DENND2B: variants seen among roughly 807,000 people sequenced by gnomAD.
The protein encoded by DENND2B is DENN domain containing 2B.
In DENND2B, 32 loss-of-function variants were observed where a neutral mutation model predicts 116.0. That is an observed-to-expected ratio of 0.28 (90% confidence interval 0.21 to 0.37). The LOEUF is 0.37. DENND2B is among the 10% of genes least tolerant of loss of function. DENND2B has a pLI of 1.00. For missense variants in DENND2B, 1,276 were observed against 1,477.7 expected, an observed-to-expected ratio of 0.86 and a Z score of 2.24; for synonymous variants, 588 against 583.9, an observed-to-expected ratio of 1.01 and a Z score of -0.10.
chr11:8,843,033 T>C (rs1369027643), intron 3 of DENND2B, among the ~76,000 whole-genome samples: 1 of 151,884 alleles, frequency 6.6e-6, no homozygotes, highest in African/African-American at 2.4e-5. Flanking sequence ...TCTTTTTTTT[T>C]TGAAATGCAG....
chr11:8,694,058 C>G lies in DENND2B; in HGVS notation c.*38G>C. 6.2e-7 allele frequency: 1 copy of G among 1,613,022 alleles called. No individual in the cohort carries two copies. The highest frequency in any genetic ancestry group is 8.5e-7 in the Non-Finnish European group (1 of 1,179,406). On this transcript the variant is annotated 3_prime_UTR_variant, in exon 20 of 20. Transcript: ENST00000313726. ...CTGGGCCTTCTCCCCAGGCTTCAGG[C>G]TCTGCAAGGCACTGGACTCTGCTAC...
intron 4 of DENND2B, among the ~76,000 whole-genome samples, chr11:8,836,802 C>A (rs2062447102): frequency 6.6e-6 from 1 of 152,176 alleles, no homozygotes; most frequent in African/African-American, 2.4e-5. Context: ...GCAGTCTCGA[C>A]CTCCCTGGGC....
At position 8,699,369 on chromosome 11, in the gene DENND2B, G is replaced by A. The variant is rs200647449; in HGVS notation, c.2742C>T (p.His914=). 1.9e-4 allele frequency: 310 copies of A among 1,605,142 alleles called. No individual in the cohort carries two copies. Among genetic ancestry groups the A allele is most frequent in the Non-Finnish European group, 2.6e-4 (305 of 1,177,816 alleles). The change falls in exon 15 of 20, where the codon CAC becomes CAT. Residue 914 remains histidine, a synonymous_variant. Coordinates refer to ENST00000313726, the MANE Select transcript of DENND2B (RefSeq NM_213618.2). ...DKLSTLSSCS[H]AVVALLYPFS... is the part of the protein sequence containing the mutation. ...AGGGGTAGAGCAAGGCCACCACCGC[G>A]TGGGAGCAGCTGGAGAGGGTACTGA...
At chr11:8,813,776 C>A (rs979653928), upstream of DENND2B, among the ~76,000 whole-genome samples, 5 of 152,056 alleles carry the variant, frequency 3.3e-5, no homozygotes, top group Non-Finnish European at 4.4e-5. Context: ...TAGTGGCATG[C>A]TGGAGTTATG....
chr11:8,694,331 C>G (rs947716919), intron 19 of DENND2B, among the ~76,000 whole-genome samples: 5 of 152,170 alleles, frequency 3.3e-5, no homozygotes, highest in Non-Finnish European at 7.3e-5. Context: ...TGTGGTTTTA[C>G]GCAAGCCACT....
chr11:8,858,453 G>A (rs2063273168), intron 2 of DENND2B, among the ~76,000 whole-genome samples: 3 of 151,940 alleles, frequency 2.0e-5, no homozygotes, highest in South Asian at 4.2e-4. Context: ...TGGCACACTC[G>A]AGCCCACACT....
intron 4 of DENND2B, among the ~76,000 whole-genome samples, chr11:8,820,021 A>C (rs1193589444): frequency 6.6e-6 from 1 of 152,250 alleles, no homozygotes; most frequent in East Asian, 1.9e-4. Context: ...AAAGATAAGT[A>C]AATAAAAGTA....
chr11:8,838,163 C>T (rs2134606017), intron 4 of DENND2B, among the ~76,000 whole-genome samples: 1 of 152,324 alleles, frequency 6.6e-6, no homozygotes, highest in South Asian at 2.1e-4. Context: ...CCTTCCAGTT[C>T]CACTAAGGAT....
intron 1 of DENND2B, among the ~76,000 whole-genome samples, chr11:8,786,571 G>A (rs2058921760): frequency 6.6e-6 from 1 of 152,176 alleles, no homozygotes; most frequent in Non-Finnish European, 1.5e-5. Flanking sequence ...AGCACTTTGG[G>A]AGGCCAAGGC....
chr11:8,840,619 A>G (rs1430073319), intron 3 of DENND2B, among the ~76,000 whole-genome samples: 1 of 152,174 alleles, frequency 6.6e-6, no homozygotes, highest in Non-Finnish European at 1.5e-5. Context: ...GGCTCTCCTA[A>G]ATATCAGTCC....
intron 2 of DENND2B, among the ~76,000 whole-genome samples, chr11:8,866,286 C>T (rs1344890518): frequency 6.6e-6 from 1 of 152,200 alleles, no homozygotes; most frequent in Non-Finnish European, 1.5e-5. Context: ...AAGCTCTTAG[C>T]TATCTTAGAA....
chr11:8,821,785 ATTTGT>A (rs770515906), intron 4 of DENND2B, among the ~76,000 whole-genome samples: 4 of 152,052 alleles, frequency 2.6e-5, no homozygotes, highest in South Asian at 2.1e-4. Flanking sequence ...GCTATTGTAG[ATTTGT>A]TTTGTTTTGT....
intron 10 of DENND2B, 57 bp downstream of exon 10, chr11:8,711,065 G>A (rs919250045): frequency 8.2e-6 from 13 of 1,578,356 alleles, no homozygotes; most frequent in African/African-American, 5.4e-5. Flanking sequence ...AGGTGCCCAC[G>A]CTATGGGGGT....
At chr11:8,724,986 G>C (rs2046843138) in intron 4 of DENND2B, among the ~76,000 whole-genome samples, 1 of 152,250 alleles carries the variant, frequency 6.6e-6, no homozygotes, top group South Asian at 2.1e-4. Context: ...ATGGGACTTA[G>C]GCACAAGGGG....
intron 1 of DENND2B, among the ~76,000 whole-genome samples, chr11:8,752,561 C>G (rs1437702202): frequency 6.6e-6 from 1 of 152,038 alleles, no homozygotes; most frequent in Non-Finnish European, 1.5e-5. Context: ...GATAAAGTAA[C>G]ATTTGAGTAC....
rs753980436 is a variant in DENND2B, at chr11:8,750,704, G to T, written c.-4C>A. On this transcript the variant is annotated 5_prime_UTR_variant, in exon 2 of 20. Coordinates refer to ENST00000313726, the MANE Select transcript of DENND2B (RefSeq NM_213618.2). ...TCTTGTTGGCAGTCATGGTCATTTCGGCTCTCTGCAAACCCAGAGCCCTGC... is the reference window on the plus strand; with the variant it reads ...TCTTGTTGGCAGTCATGGTCATTTCTGCTCTCTGCAAACCCAGAGCCCTGC... 2 of 1,613,950 alleles carry T rather than the reference G, an allele frequency of 1.2e-6. No individual in the cohort carries two copies. Among genetic ancestry groups the T allele is most frequent in the South Asian group, 2.2e-5 (2 of 91,070 alleles).
upstream of DENND2B, chr11:8,810,742 C>A (rs2061318831): frequency 6.6e-6 from 1 of 152,170 alleles, no homozygotes; most frequent in African/African-American, 2.4e-5. Context: ...CGGGCGCGCG[C>A]ACAGCGGCGC....
intron 3 of DENND2B, among the ~76,000 whole-genome samples, chr11:8,842,893 G>C (rs2062673108): frequency 6.6e-6 from 1 of 152,114 alleles, no homozygotes; most frequent in South Asian, 2.1e-4. Context: ...CATACATTCA[G>C]TTTGATTTAA....
chr11:8,867,005 T>C (rs1213463324), intron 2 of DENND2B, among the ~76,000 whole-genome samples: 1 of 152,144 alleles, frequency 6.6e-6, no homozygotes, highest in Non-Finnish European at 1.5e-5. Context: ...CATGGGTGAC[T>C]CTAACATTAA....
Sources: gnomAD v4.1 joint callset for allele counts (sites outside exome capture counted in the v4.1 genomes callset) on GRCh38, gnomAD v4.1.1 for gene constraint, MANE v1.5 for transcripts, NCBI Gene and HGNC (gene_info 2026-07-23, HGNC 2026-07-21) for gene names.